Variants in IQCM observed in about 807,000 individuals in gnomAD.
IQCM encodes IQ domain-containing protein M.
A neutral mutation model predicts 57.6 loss-of-function variants in IQCM; 45 were observed. The observed-to-expected ratio is 0.78, with a 90% confidence interval of 0.62 to 1.00. The LOEUF is 1.00. Among genes scored for constraint, IQCM ranks in the 50% least tolerant of loss-of-function variants. IQCM has a pLI of 0.00. For missense variants in IQCM, 468 were observed against 511.6 expected (o/e 0.91, Z 0.82); for synonymous variants, 148 against 158.9 (o/e 0.93, Z 0.51).
At chr4:149,476,625 T>C (rs1343607574) in intron 12 of IQCM, among the ~76,000 whole-genome samples, 3 of 152,084 alleles carry the variant, frequency 2.0e-5, no homozygotes, top group Admixed American at 6.6e-5. Context: ...AAAACCATTA[T>C]CTTGAAAGGT....
At chr4:149,424,879 A>C (rs1327849595) in intron 13 of IQCM, among the ~76,000 whole-genome samples, 3 of 151,990 alleles carry the variant, frequency 2.0e-5, no homozygotes, top group Non-Finnish European at 4.4e-5. Context: ...CACCTCACTA[A>C]ATTCTAAAAG....
chr4:149,656,398 T>C (rs1485866669), intron 7 of IQCM, among the ~76,000 whole-genome samples: 1 of 152,046 alleles, frequency 6.6e-6, no homozygotes, highest in Non-Finnish European at 1.5e-5. Flanking sequence ...GAAAAGATAC[T>C]TGATGATGAC....
chr4:149,636,434 A>G (rs1244828238), intron 7 of IQCM, among the ~76,000 whole-genome samples: 1 of 152,068 alleles, frequency 6.6e-6, no homozygotes, highest in Non-Finnish European at 1.5e-5. Flanking sequence ...GTGGCAGGAG[A>G]GGAGACCTAA....
intron 5 of IQCM, among the ~76,000 whole-genome samples, chr4:149,726,116 AAAG>A (rs1765895297): frequency 1.3e-5 from 2 of 148,754 alleles, no homozygotes; most frequent in Admixed American, 6.7e-5. Flanking sequence ...AGAAAGAAAG[AAAG>A]AAAGAAAGAA....
chr4:149,743,552 G>T (rs905780957), intron 2 of IQCM, among the ~76,000 whole-genome samples: 1 of 152,152 alleles, frequency 6.6e-6, no homozygotes, highest in South Asian at 2.1e-4. Flanking sequence ...AGTTCTCAAT[G>T]CTGGATGAAT....
chr4:149,398,032 A>G (rs1299700745), intron 13 of IQCM, among the ~76,000 whole-genome samples: 27 of 152,024 alleles, frequency 1.8e-4, no homozygotes. Flanking sequence ...GTTTTCTTCT[A>G]GAAGTTTACA....
At chr4:149,448,607 A>T (rs1316167836) in intron 12 of IQCM, among the ~76,000 whole-genome samples, 1 of 151,790 alleles carries the variant, frequency 6.6e-6, no homozygotes, top group Non-Finnish European at 1.5e-5. Context: ...AGCCAAAAAA[A>T]GAAGACAAAA....
chr4:149,681,979 G>A (rs1474542363), intron 7 of IQCM, 139 bp downstream of exon 7: 6 of 393,614 alleles, frequency 1.5e-5, no homozygotes, highest in Admixed American at 4.5e-5. Context: ...TCCAAAATCT[G>A]CTTATCTTTG....
chr4:149,648,353 T>G (rs1758832980), intron 7 of IQCM, among the ~76,000 whole-genome samples: 1 of 152,214 alleles, frequency 6.6e-6, no homozygotes, highest in Non-Finnish European at 1.5e-5. Context: ...GCTTCATCCA[T>G]GTCCCTACAA....
chr4:149,513,645 G>C (rs148188929), intron 12 of IQCM, among the ~76,000 whole-genome samples: 2 of 152,078 alleles, frequency 1.3e-5, no homozygotes, highest in African/African-American at 2.4e-5. Flanking sequence ...CATTCTATAA[G>C]CTTTATTAGA....
intron 3 of IQCM, among the ~76,000 whole-genome samples, chr4:149,736,618 T>A (rs541189671): frequency 6.6e-6 from 1 of 152,296 alleles, no homozygotes; most frequent in African/African-American, 2.4e-5. Flanking sequence ...TCAATCTTCA[T>A]GTGAATCAAA....
chr4:149,776,433 T>G (rs1001998187), intron 2 of IQCM, among the ~76,000 whole-genome samples: 3 of 152,122 alleles, frequency 2.0e-5, no homozygotes, highest in Non-Finnish European at 4.4e-5. Context: ...GTTTTCTAAT[T>G]TCAAATCTAA....
intron 7 of IQCM, among the ~76,000 whole-genome samples, chr4:149,668,638 C>A (rs563894111): frequency 4.1e-4 from 63 of 152,082 alleles, no homozygotes; most frequent in African/African-American, 1.4e-3. Context: ...TGCACGTTTC[C>A]CAGAACTTAA....
At chr4:149,607,310 A>G (rs1462480648) in intron 8 of IQCM, among the ~76,000 whole-genome samples, 1 of 152,146 alleles carries the variant, frequency 6.6e-6, no homozygotes, top group Non-Finnish European at 1.5e-5. Flanking sequence ...TTATCCTTCA[A>G]ATACAAATAA....
intron 13 of IQCM, among the ~76,000 whole-genome samples, chr4:149,413,643 C>A (rs548416493): frequency 6.6e-6 from 1 of 152,060 alleles, no homozygotes; most frequent in Non-Finnish European, 1.5e-5. Flanking sequence ...TTACAGAGTT[C>A]GATTTGGGCT....
At chr4:149,745,257 T>C (rs1767820534) in intron 2 of IQCM, among the ~76,000 whole-genome samples, 1 of 152,210 alleles carries the variant, frequency 6.6e-6, no homozygotes, top group East Asian at 1.9e-4. Context: ...GGCTACATTT[T>C]ATGCTGCTGA....
chr4:149,504,454 A>G (rs776160162), intron 12 of IQCM, among the ~76,000 whole-genome samples: 107 of 152,028 alleles, frequency 7.0e-4, no homozygotes, highest in Non-Finnish European at 1.2e-3. Flanking sequence ...CCCTCTCCCA[A>G]TCCCAATCCC....
chr4:149,795,210 A>G (rs957196615), intron 2 of IQCM, among the ~76,000 whole-genome samples: 1 of 152,174 alleles, frequency 6.6e-6, no homozygotes, highest in Non-Finnish European at 1.5e-5. Context: ...CAGGGCATAG[A>G]TTAAAAAACA....
chr4:149,746,456 C>T (rs559735432), intron 2 of IQCM, among the ~76,000 whole-genome samples: 1 of 152,296 alleles, frequency 6.6e-6, no homozygotes, highest in East Asian at 1.9e-4. Flanking sequence ...CTCTCTTTCT[C>T]TGCCAATTCA....
Sources: gnomAD v4.1 joint callset for allele counts (sites outside exome capture counted in the v4.1 genomes callset) on GRCh38, gnomAD v4.1.1 for gene constraint, MANE v1.5 for transcripts, NCBI Gene and HGNC (gene_info 2026-07-23, HGNC 2026-07-21) for gene names.